The following CNTNAP2 variants were observed in gnomAD, a reference collection of about 807,000 sequenced individuals.
CNTNAP2 encodes contactin-associated protein-like 2.
CNTNAP2 carries 98 observed loss-of-function variants against 155.2 expected under a neutral mutation model. That is an observed-to-expected ratio of 0.63 (90% CI 0.54 to 0.75). CNTNAP2 has a LOEUF of 0.75. Ranked by LOEUF, CNTNAP2 falls within the 30% of genes least tolerant of loss-of-function variation. The pLI is 0.00. For synonymous variants in CNTNAP2, 651 were observed against 631.2 expected (o/e 1.03, Z -0.47); for missense variants, 1,727 against 1,688.1 (o/e 1.02, Z -0.40).
At chr7:146,880,589 G>A (rs1402171274) in intron 3 of CNTNAP2, among the ~76,000 whole-genome samples, 1 of 152,000 alleles carries the variant, frequency 6.6e-6, no homozygotes, top group African/African-American at 2.4e-5. Context: ...GCCACAGATG[G>A]GAGCTTTTTA....
At chr7:147,423,650 C>A (rs1374248066) in intron 10 of CNTNAP2, among the ~76,000 whole-genome samples, 1 of 152,232 alleles carries the variant, frequency 6.6e-6, no homozygotes, top group East Asian at 1.9e-4. Flanking sequence ...ACCATTCTTT[C>A]AATGAACCTA....
chr7:147,823,821 CA>C (rs1218780613), intron 13 of CNTNAP2, among the ~76,000 whole-genome samples: 3 of 151,818 alleles, frequency 2.0e-5, no homozygotes, highest in Non-Finnish European at 2.9e-5. Context: ...AAAATAGAAG[CA>C]AAAGTAGTAA....
chr7:146,404,388 C>G (rs1795760955), intron 1 of CNTNAP2, among the ~76,000 whole-genome samples: 1 of 152,066 alleles, frequency 6.6e-6, no homozygotes, highest in Non-Finnish European at 1.5e-5. Context: ...CTGTACACAT[C>G]CTTTTCACTT....
rs1563130804 is a variant in CNTNAP2 at position 146,550,413 on chromosome 7, T to TG, written c.98-223858_98-223857insG. On this transcript the variant is annotated intron_variant, in intron 1 of 23. Transcript: ENST00000361727. Reference sequence around the variant, plus strand: ...GGTCCATTAATCTGTTTTTTTTTTTTTTTTTTTTTTTTTTTTATAAAGTAC... The same window carrying TG: ...GGTCCATTAATCTGTTTTTTTTTTTTGTTTTTTTTTTTTTTTTATAAAGTAC... Among the ~76,000 whole-genome samples the TG allele has an allele frequency of 5.6e-4, 66 of 117,194 alleles. 2 individuals are homozygous for TG. Among genetic ancestry groups the TG allele is most frequent in the South Asian group, 3.7e-3 (11 of 3,004 alleles). The allele number at this position is 117,194 out of a possible 152,430, so 76.9% of individuals were successfully genotyped here.
At chr7:147,215,957 T>G (rs1803259037) in intron 8 of CNTNAP2, among the ~76,000 whole-genome samples, 1 of 152,164 alleles carries the variant, frequency 6.6e-6, no homozygotes, top group Admixed American at 6.5e-5. Flanking sequence ...GAACATCTTT[T>G]TATATGCTTA....
chr7:148,389,882 G>C (rs1371465525), intron 22 of CNTNAP2: 1 of 152,042 alleles, frequency 6.6e-6, no homozygotes, highest in Non-Finnish European at 1.5e-5. Flanking sequence ...TTTTTAAAAA[G>C]AAAAATCCCA....
chr7:146,928,830 G>A (rs576747991), intron 3 of CNTNAP2, among the ~76,000 whole-genome samples: 3 of 152,212 alleles, frequency 2.0e-5, no homozygotes, highest in African/African-American at 7.2e-5. Flanking sequence ...AGTCTCGCTG[G>A]TTGCTAGCAC....
At position 146,870,369 on chromosome 7, in the gene CNTNAP2, G is replaced by A. The variant is rs1446287101; in HGVS notation, c.402+30465G>A. On this transcript the variant is annotated intron_variant, in intron 3 of 23. Transcript: ENST00000361727. ...TCTAGGTTTTCTAGTTTGTGTTCAC[G>A]GAAGTGATCCCAGTAGTTTCTGATG... is the stretch of plus-strand genomic sequence containing the variant. Among the ~76,000 whole-genome samples the A allele has an allele frequency of 9.2e-5, 14 of 152,118 alleles. No homozygotes were observed. The East Asian group carries it at 1.4e-3, about 15-fold the overall frequency.
chr7:147,067,150 G>A (rs935990726), intron 4 of CNTNAP2, among the ~76,000 whole-genome samples: 3 of 152,126 alleles, frequency 2.0e-5, no homozygotes, highest in African/African-American at 7.2e-5. Flanking sequence ...AATTAGCCGG[G>A]CATGGTGGCA....
chr7:148,229,357 A>G (rs1218454803), intron 19 of CNTNAP2, among the ~76,000 whole-genome samples: 1 of 152,088 alleles, frequency 6.6e-6, no homozygotes, highest in Non-Finnish European at 1.5e-5. Context: ...AACCCCCATC[A>G]CTACTGAAAA....
Position 146,804,622 on chromosome 7 carries a change from T to C in CNTNAP2, c.208+30241T>C, listed in dbSNP as rs143646883. On this transcript the variant is annotated intron_variant, in intron 2 of 23. Transcript: ENST00000361727. The stretch of plus-strand genomic sequence containing the variant: ...ATATAAGTAAATATAAAAACACTTA[T>C]ATACATGGCAGATATCACTTGGTAT... 5.3e-5 allele frequency among the ~76,000 whole-genome samples: 8 copies of C among 152,340 alleles called. No homozygotes were observed. The East Asian group carries it at 1.2e-3, about 22-fold the overall frequency.
At chr7:147,600,712 C>T (rs575608889) in intron 12 of CNTNAP2, among the ~76,000 whole-genome samples, 30 of 152,234 alleles carry the variant, frequency 2.0e-4, no homozygotes, top group African/African-American at 7.2e-4. Flanking sequence ...TACTGTGTTT[C>T]ATATCCTTTT....
chr7:146,967,617 T>G (rs1472060829), intron 3 of CNTNAP2, among the ~76,000 whole-genome samples: 1 of 152,234 alleles, frequency 6.6e-6, no homozygotes, highest in African/African-American at 2.4e-5. Context: ...GTTTGTCTGC[T>G]ATTGGTGTAT....
At chr7:146,906,251 G>C (rs1028732188) in intron 3 of CNTNAP2, among the ~76,000 whole-genome samples, 7 of 152,232 alleles carry the variant, frequency 4.6e-5, no homozygotes, top group Non-Finnish European at 8.8e-5. Flanking sequence ...GCCCAGGCTT[G>C]CTTAGGTAAA....
At chr7:146,224,651 C>G (rs1475297862) in intron 1 of CNTNAP2, among the ~76,000 whole-genome samples, 1 of 151,696 alleles carries the variant, frequency 6.6e-6, no homozygotes, top group Non-Finnish European at 1.5e-5. Flanking sequence ...CGCCTGTAGT[C>G]CCAGCTACTC....
chr7:147,630,853 C>T (rs759379544), intron 12 of CNTNAP2, among the ~76,000 whole-genome samples: 15 of 152,164 alleles, frequency 9.9e-5, no homozygotes, highest in Non-Finnish European at 2.1e-4. Flanking sequence ...ATGACAAACC[C>T]ACAGCCAACA....
chr7:148,097,685 A>G (rs1447373546), intron 15 of CNTNAP2, among the ~76,000 whole-genome samples: 1 of 152,186 alleles, frequency 6.6e-6, no homozygotes, highest in African/African-American at 2.4e-5. Flanking sequence ...GATTTCATCA[A>G]GCAGTAACTC....
At chr7:146,444,080 T>C (rs10274361) in intron 1 of CNTNAP2, among the ~76,000 whole-genome samples, 5,183 of 152,290 alleles carry the variant, frequency 0.034, 278 homozygotes, top group African/African-American at 0.12. Context: ...TTGCCCAGGT[T>C]GTAGTGCAGT....
At chr7:147,168,838 C>A (rs1802172614) in intron 8 of CNTNAP2, among the ~76,000 whole-genome samples, 1 of 152,074 alleles carries the variant, frequency 6.6e-6, no homozygotes, top group African/African-American at 2.4e-5. Context: ...TTTCCTAAAG[C>A]TCTTCTATAA....
Sources: gnomAD v4.1 joint callset for allele counts (sites outside exome capture counted in the v4.1 genomes callset) on GRCh38, gnomAD v4.1.1 for gene constraint, MANE v1.5 for transcripts, NCBI Gene and HGNC (gene_info 2026-07-23, HGNC 2026-07-21) for gene names.